Variants in PSEN1 observed in about 807,000 individuals in gnomAD.
PSEN1 encodes presenilin-1.
A neutral mutation model predicts 53.5 loss-of-function variants in PSEN1; 15 were observed. The ratio of observed to expected loss-of-function variants is 0.28; its 90% CI spans 0.19 to 0.43. PSEN1 has a LOEUF of 0.43. PSEN1 is among the 20% of genes least tolerant of loss of function. The pLI is 1.00. For missense variants in PSEN1, 387 were observed against 571.2 expected, an observed-to-expected ratio of 0.68 and a Z score of 3.29; for synonymous variants, 208 against 209.8, an observed-to-expected ratio of 0.99 and a Z score of 0.08.
At chr14:73,146,309 T>C (rs1389933485) in intron 1 of PSEN1, among the ~76,000 whole-genome samples, 1 of 150,850 alleles carries the variant, frequency 6.6e-6, no homozygotes, top group Non-Finnish European at 1.5e-5. Context: ...CACCTCAGCC[T>C]CCTGAGCATT....
chr14:73,215,982 A>G (rs1001674547), intron 10 of PSEN1, among the ~76,000 whole-genome samples: 1 of 152,218 alleles, frequency 6.6e-6, no homozygotes, highest in Admixed American at 6.5e-5. Flanking sequence ...GTCCGTCCCC[A>G]CAGAGACATG....
rs115891135 is a variant in PSEN1 at position 73,205,820 on chromosome 14, T to C, written c.869-566T>C. ...GCACATGTGTATATCTAGATCTAGA[T>C]TGATATATTGATATACATGTATTTT... On this transcript the variant is annotated intron_variant, in intron 8 of 11. Coordinates refer to ENST00000324501, the MANE Select transcript of PSEN1 (RefSeq NM_000021.4). Among the ~76,000 whole-genome samples the C allele has an allele frequency of 9.1e-3, 1,393 of 152,340 alleles. 19 individuals are homozygous for C. The highest frequency in any genetic ancestry group is 0.029 in the African/African-American group (1,192 of 41,562).
intron 5 of PSEN1, among the ~76,000 whole-genome samples, chr14:73,186,576 A>T (rs1442841689): frequency 2.0e-5 from 3 of 152,158 alleles, no homozygotes; most frequent in Non-Finnish European, 2.9e-5. Context: ...CAGGAATTTG[A>T]GACCAGCCTG....
chr14:73,142,192 T>C (rs1896949864), intron 1 of PSEN1, among the ~76,000 whole-genome samples: 1 of 152,250 alleles, frequency 6.6e-6, no homozygotes, highest in Admixed American at 6.5e-5. Context: ...GTAGAGGCTT[T>C]TCCAGCCCAT....
chr14:73,202,597 C>T (rs1377654207), intron 8 of PSEN1, among the ~76,000 whole-genome samples: 8 of 147,072 alleles, frequency 5.4e-5, no homozygotes, highest in Admixed American at 1.4e-4. Context: ...CTCAGCCTCC[C>T]GAGTAGCTGG....
intron 1 of PSEN1, among the ~76,000 whole-genome samples, chr14:73,144,946 G>A (rs1472967227): frequency 1.3e-5 from 2 of 152,142 alleles, no homozygotes; most frequent in Non-Finnish European, 2.9e-5. Flanking sequence ...AGGCTGCGGT[G>A]CAGTGGCGCA....
At chr14:73,151,335 T>TG (rs1337819070) in intron 3 of PSEN1, among the ~76,000 whole-genome samples, 3 of 152,190 alleles carry the variant, frequency 2.0e-5, no homozygotes, top group Non-Finnish European at 4.4e-5. Context: ...TGTGTGCACT[T>TG]GTGTGAGTTT....
rs214268 is a variant in PSEN1, at chr14:73,176,251, A to G, written c.480+2544A>G. Among the ~76,000 whole-genome samples, 625 of 152,212 alleles carry G rather than the reference A, an allele frequency of 4.1e-3. 4 individuals are homozygous for G. Among genetic ancestry groups the G allele is most frequent in the African/African-American group, 0.014 (594 of 41,538 alleles). ...TATAAACCCATGCTGGGAAGCATTC[A>G]CCTCCCCCACTTTAAAAATGCTAGT... is the stretch of plus-strand genomic sequence containing the variant. On this transcript the variant is annotated intron_variant, in intron 5 of 11. Transcript: ENST00000324501.
Position 73,197,492 on chromosome 14 carries a change from C to G in PSEN1, c.770-539C>G, listed in dbSNP as rs1378199286. 2.6e-5 allele frequency among the ~76,000 whole-genome samples: 4 copies of G among 152,310 alleles called. No homozygotes were observed. The East Asian group carries it at 7.7e-4, about 29-fold the overall frequency. On this transcript the variant is annotated intron_variant, in intron 7 of 11. Transcript: ENST00000324501. ...ATTTACTGCCCTCTTACTTCAAGTA[C>G]TTCTCAGTAGTACGTAATACTGCTT...
intron 5 of PSEN1, among the ~76,000 whole-genome samples, chr14:73,180,475 G>T (rs879877697): frequency 2.0e-5 from 3 of 152,194 alleles, no homozygotes; most frequent in Non-Finnish European, 4.4e-5. Flanking sequence ...TGAGTAACTT[G>T]CCAGAGCCTG....
At chr14:73,180,879 C>G (rs1481962329) in intron 5 of PSEN1, among the ~76,000 whole-genome samples, 3 of 152,160 alleles carry the variant, frequency 2.0e-5, no homozygotes, top group Non-Finnish European at 4.4e-5. Flanking sequence ...CAAGATTAGT[C>G]TTTTTTGTCA....
At chr14:73,166,498 A>G (rs1000909097) in intron 3 of PSEN1, among the ~76,000 whole-genome samples, 4 of 152,220 alleles carry the variant, frequency 2.6e-5, no homozygotes, top group East Asian at 1.9e-4. Context: ...ACCAAATACT[A>G]TATAGAGATA....
intron 5 of PSEN1, among the ~76,000 whole-genome samples, chr14:73,184,838 C>T (rs1368997276): frequency 5.3e-5 from 8 of 151,536 alleles, no homozygotes; most frequent in Non-Finnish European, 4.4e-5. Context: ...AGGGGCTCCT[C>T]ACTTCCCAGA....
chr14:73,197,182 C>G (rs998022494), intron 7 of PSEN1, among the ~76,000 whole-genome samples: 7 of 152,116 alleles, frequency 4.6e-5, no homozygotes, highest in African/African-American at 1.7e-4. Flanking sequence ...ATCCGCCCAC[C>G]TCGGCCTCCC....
rs772022929 is a variant in PSEN1 at position 73,198,125 on chromosome 14, C to T, written c.864C>T (p.Tyr288=). The change falls in exon 8 of 12, where the codon TAC becomes TAT. Residue 288 remains tyrosine, a synonymous_variant. Transcript: ENST00000324501. ...AAACGCTTTTTCCAGCTCTCATTTA[C>T]TCCTGTAAGTATTTGAGAAGGATAT... ...RNETLFPALI[Y]SSTMVWLVNM... 1.9e-6 allele frequency: 3 copies of T among 1,581,386 alleles called. No individual in the cohort carries two copies. The highest frequency in any genetic ancestry group is 1.1e-5 in the South Asian group (1 of 90,006).
At chr14:73,212,714 T>C (rs545951029) in intron 10 of PSEN1, among the ~76,000 whole-genome samples, 87 of 152,340 alleles carry the variant, frequency 5.7e-4, no homozygotes, top group South Asian at 5.4e-3. Flanking sequence ...GTGTTGCCAC[T>C]TGATGGATTT....
chr14:73,215,526 TG>T (rs1333498168), intron 10 of PSEN1, among the ~76,000 whole-genome samples: 1 of 150,252 alleles, frequency 6.7e-6, no homozygotes, highest in Non-Finnish European at 1.5e-5. Flanking sequence ...GAGGTTTCAG[TG>T]AGCCGAGATC....
At chr14:73,205,141 A>G (rs1370031134) in intron 8 of PSEN1, among the ~76,000 whole-genome samples, 2 of 152,188 alleles carry the variant, frequency 1.3e-5, no homozygotes, top group Admixed American at 1.3e-4. Flanking sequence ...TTATTGTGAT[A>G]AAAAGCCAGA....
chr14:73,178,780 T>G (rs1314953606), intron 5 of PSEN1, among the ~76,000 whole-genome samples: 1 of 152,198 alleles, frequency 6.6e-6, no homozygotes. Context: ...TCTTGGAGCA[T>G]TTTTATGCTC....
Sources: gnomAD v4.1 joint callset for allele counts (sites outside exome capture counted in the v4.1 genomes callset) on GRCh38, gnomAD v4.1.1 for gene constraint, MANE v1.5 for transcripts, NCBI Gene and HGNC (gene_info 2026-07-23, HGNC 2026-07-21) for gene names.